UBE2H: variants seen among roughly 807,000 people sequenced by gnomAD.
UBE2H encodes the protein ubiquitin conjugating enzyme E2 H.
A neutral mutation model predicts 29.0 loss-of-function variants in UBE2H; 3 were observed. The ratio of observed to expected loss-of-function variants is 0.10; its 90% CI spans 0.05 to 0.27. The LOEUF is 0.27. Ranked by LOEUF, UBE2H falls within the 10% of genes least tolerant of loss-of-function variation. The probability of loss-of-function intolerance (pLI) is 1.00; values close to 1 mark genes in which losing one functional copy is unlikely to be tolerated. For synonymous variants in UBE2H, 69 were observed against 82.9 expected (o/e 0.83, Z 0.91); for missense variants, 68 against 228.2 (o/e 0.30, Z 4.52).
In UBE2H at chr7:129,887,534, T is replaced by C. The variant is rs192061385; in HGVS notation, c.54-6563A>G. 3.6e-3 allele frequency among the ~76,000 whole-genome samples: 554 copies of C among 152,288 alleles called. 11 individuals are homozygous for C. The highest frequency in any genetic ancestry group is 0.034 in the South Asian group (163 of 4,826). On this transcript the variant is annotated intron_variant, in intron 1 of 6. Coordinates refer to ENST00000355621, the MANE Select transcript of UBE2H (RefSeq NM_003344.4). ...CACGCCCAGCTAAAGGTGATACTAT[T>C]AATGAGGCCCATGCCTGGCCTCTCT...
chr7:129,895,230 C>G (rs1427825314), intron 1 of UBE2H, among the ~76,000 whole-genome samples: 5 of 152,290 alleles, frequency 3.3e-5, no homozygotes, highest in Non-Finnish European at 7.3e-5. Context: ...GGCTGTCACA[C>G]AGTCTCTAGC....
intron 1 of UBE2H, among the ~76,000 whole-genome samples, chr7:129,891,186 A>C (rs1267691720): frequency 1.3e-5 from 2 of 151,178 alleles, no homozygotes; most frequent in African/African-American, 2.4e-5. Context: ...CTCTTTTTTA[A>C]TTTTTTATTT....
At chr7:129,842,915 A>G (rs1805451807) in intron 5 of UBE2H, among the ~76,000 whole-genome samples, 1 of 152,144 alleles carries the variant, frequency 6.6e-6, no homozygotes, top group Non-Finnish European at 1.5e-5. Context: ...AAAAAACAAA[A>G]ATAAAAACAA....
intron 1 of UBE2H, among the ~76,000 whole-genome samples, chr7:129,938,655 G>A (rs1157189226): frequency 2.7e-5 from 4 of 149,430 alleles, no homozygotes; most frequent in African/African-American, 7.4e-5. Context: ...GTGGTGAGTC[G>A]AGATTACGCC....
At chr7:129,884,918 T>C (rs1806328674) in intron 1 of UBE2H, among the ~76,000 whole-genome samples, 1 of 152,058 alleles carries the variant, frequency 6.6e-6, no homozygotes, top group Non-Finnish European at 1.5e-5. Flanking sequence ...ATACAATAGG[T>C]GGCTGGCTGC....
At chr7:129,852,454 G>A (rs1374612076) in intron 5 of UBE2H, among the ~76,000 whole-genome samples, 2 of 148,080 alleles carry the variant, frequency 1.4e-5, no homozygotes, top group Non-Finnish European at 1.5e-5. Context: ...GCGACAGAGC[G>A]AGACTCCGTC....
chr7:129,925,166 G>A (rs1807240776), intron 1 of UBE2H, among the ~76,000 whole-genome samples: 1 of 151,952 alleles, frequency 6.6e-6, no homozygotes, highest in Non-Finnish European at 1.5e-5. Context: ...TGGCCAAGAT[G>A]GAGAAACCCC....
At chr7:129,907,009 T>C (rs1806831720) in intron 1 of UBE2H, among the ~76,000 whole-genome samples, 1 of 152,216 alleles carries the variant, frequency 6.6e-6, no homozygotes, top group Non-Finnish European at 1.5e-5. Context: ...AAACCTTCAG[T>C]CTCTACGTCA....
chr7:129,841,022 A>G (rs1329514172), intron 5 of UBE2H, among the ~76,000 whole-genome samples: 1 of 152,202 alleles, frequency 6.6e-6, no homozygotes, highest in Non-Finnish European at 1.5e-5. Context: ...GGAAGCTGCT[A>G]AACACCACAA....
chr7:129,917,858 C>T (rs1807075072), intron 1 of UBE2H, among the ~76,000 whole-genome samples: 1 of 152,192 alleles, frequency 6.6e-6, no homozygotes, highest in South Asian at 2.1e-4. Flanking sequence ...CTCAGTGTTG[C>T]CCCTGCATCT....
intron 1 of UBE2H, among the ~76,000 whole-genome samples, chr7:129,902,307 T>G (rs1806732343): frequency 6.6e-6 from 1 of 152,198 alleles, no homozygotes; most frequent in South Asian, 2.1e-4. Flanking sequence ...AAGACCAGCC[T>G]GGCCAATATG....
intron 1 of UBE2H, among the ~76,000 whole-genome samples, chr7:129,932,086 T>G (rs536409472): frequency 4.0e-4 from 61 of 151,482 alleles, no homozygotes; most frequent in Non-Finnish European, 7.4e-4. Flanking sequence ...CCTCCCAAAG[T>G]GCTGGGATTA....
chr7:129,906,508 G>A (rs896608976), intron 1 of UBE2H, among the ~76,000 whole-genome samples: 3 of 152,060 alleles, frequency 2.0e-5, no homozygotes, highest in African/African-American at 7.2e-5. Flanking sequence ...CCAGCCCTGA[G>A]TAAAGCCAGT....
At chr7:129,911,212 A>G (rs778344085) in intron 1 of UBE2H, among the ~76,000 whole-genome samples, 23 of 151,932 alleles carry the variant, frequency 1.5e-4, no homozygotes, top group Non-Finnish European at 2.9e-4. Flanking sequence ...AAAATACAAA[A>G]AAAAAGTTAG....
intron 1 of UBE2H, among the ~76,000 whole-genome samples, chr7:129,895,660 G>T (rs1247708276): frequency 1.3e-5 from 2 of 152,140 alleles, no homozygotes; most frequent in Non-Finnish European, 2.9e-5. Context: ...CAGCACTTTG[G>T]GAGGTCAAGG....
intron 1 of UBE2H, among the ~76,000 whole-genome samples, chr7:129,925,779 G>A (rs985161248): frequency 2.0e-5 from 3 of 152,176 alleles, no homozygotes; most frequent in Admixed American, 6.5e-5. Flanking sequence ...AAACAGTGAC[G>A]TGATGGCAGA....
chr7:129,862,210 T>C (rs767183684), intron 3 of UBE2H, among the ~76,000 whole-genome samples: 1 of 152,206 alleles, frequency 6.6e-6, no homozygotes, highest in Admixed American at 6.5e-5. Context: ...GGTCCTACTA[T>C]ATGAAAAATA....
intron 1 of UBE2H, among the ~76,000 whole-genome samples, chr7:129,938,113 T>G (rs1284763183): frequency 6.6e-6 from 1 of 151,986 alleles, no homozygotes; most frequent in African/African-American, 2.4e-5. Context: ...GAATATAATT[T>G]GTAATAAAAA....
chr7:129,942,462 G>C (rs2116520075), intron 1 of UBE2H, among the ~76,000 whole-genome samples: 1 of 152,242 alleles, frequency 6.6e-6, no homozygotes, highest in African/African-American at 2.4e-5. Flanking sequence ...ACTCCAGCCT[G>C]GGCAACAAGA....
Sources: allele counts gnomAD v4.1 joint callset (sites outside exome capture counted in the v4.1 genomes callset), GRCh38; gene constraint gnomAD v4.1.1; transcripts MANE v1.5; gene names NCBI Gene and HGNC (gene_info 2026-07-23, HGNC 2026-07-21).